Variants in UBAC2 observed in about 807,000 individuals in gnomAD.
UBAC2 encodes the protein UBA domain containing 2.
Under a neutral mutation model 44.0 loss-of-function variants are expected in UBAC2, and 26 were observed. That is an observed-to-expected ratio of 0.59 (90% confidence interval 0.43 to 0.82). The LOEUF (loss-of-function observed/expected upper bound fraction) is 0.82, where lower values mean the gene tolerates loss of function less well. Ranked by LOEUF, UBAC2 falls within the 40% of genes least tolerant of loss-of-function variation. The pLI, the probability that UBAC2 is intolerant of heterozygous loss-of-function variation, is 0.00. For synonymous variants in UBAC2, 155 were observed against 154.3 expected, an observed-to-expected ratio of 1.00 and a Z score of -0.04; for missense variants, 329 against 419.4, an observed-to-expected ratio of 0.78 and a Z score of 1.88.
intron 6 of UBAC2, among the ~76,000 whole-genome samples, chr13:99,319,155 G>T (rs931152678): frequency 6.6e-6 from 1 of 152,036 alleles, no homozygotes; most frequent in Non-Finnish European, 1.5e-5. Context: ...TTTTCATCTT[G>T]TCTATGCTAT....
intron 6 of UBAC2, among the ~76,000 whole-genome samples, chr13:99,337,766 T>C (rs2044811244): frequency 6.6e-6 from 1 of 152,138 alleles, no homozygotes. Flanking sequence ...GTTCATGCCC[T>C]ACACAGCTTT....
intron 1 of UBAC2, among the ~76,000 whole-genome samples, chr13:99,219,232 CCTGT>C (rs2043029126): frequency 1.3e-5 from 2 of 152,278 alleles, no homozygotes; most frequent in Admixed American, 1.3e-4. Context: ...TGCTCCCCTA[CCTGT>C]CTGTCTTCAG....
intron 7 of UBAC2, among the ~76,000 whole-genome samples, chr13:99,342,568 A>G (rs1287706544): frequency 6.6e-6 from 1 of 152,150 alleles, no homozygotes; most frequent in Non-Finnish European, 1.5e-5. Context: ...GGACCCACAC[A>G]TTCCTCTGTG....
intron 4 of UBAC2, among the ~76,000 whole-genome samples, chr13:99,263,534 G>A (rs555016546): frequency 1.3e-5 from 2 of 152,334 alleles, no homozygotes; most frequent in South Asian, 4.1e-4. Context: ...AGTGATGAGG[G>A]TATCGAGTAA....
intron 1 of UBAC2, among the ~76,000 whole-genome samples, chr13:99,219,346 T>G (rs1005575557): frequency 6.6e-6 from 1 of 152,330 alleles, no homozygotes; most frequent in South Asian, 2.1e-4. Flanking sequence ...CAGTTAAAAT[T>G]GGCCATTTTA....
chr13:99,289,057 A>G (rs1372015905), intron 4 of UBAC2, among the ~76,000 whole-genome samples: 1 of 152,228 alleles, frequency 6.6e-6, no homozygotes, highest in Admixed American at 6.5e-5. Context: ...CTATTATCTA[A>G]CACTTACTTC....
At chr13:99,228,574 A>AT (rs1486661399) in intron 1 of UBAC2, among the ~76,000 whole-genome samples, 1 of 152,176 alleles carries the variant, frequency 6.6e-6, no homozygotes, top group Non-Finnish European at 1.5e-5. Flanking sequence ...GATTATAGGC[A>AT]TGAGCCACTG....
intron 7 of UBAC2, among the ~76,000 whole-genome samples, chr13:99,345,396 A>G (rs1215372286): frequency 2.0e-5 from 3 of 151,106 alleles, no homozygotes; most frequent in East Asian, 1.9e-4. Flanking sequence ...GGAGGAGACA[A>G]ATAGAAGGAG....
intron 1 of UBAC2, among the ~76,000 whole-genome samples, chr13:99,202,246 C>T (rs2042812916): frequency 6.6e-6 from 1 of 152,060 alleles, no homozygotes; most frequent in African/African-American, 2.4e-5. Flanking sequence ...TTATGATTTC[C>T]TTTGTTTCAT....
intron 6 of UBAC2, among the ~76,000 whole-genome samples, chr13:99,330,816 T>G (rs1013510368): frequency 6.6e-6 from 1 of 152,222 alleles, no homozygotes; most frequent in African/African-American, 2.4e-5. Flanking sequence ...ACATTCACTT[T>G]TAGTTTGTTA....
intron 4 of UBAC2, among the ~76,000 whole-genome samples, chr13:99,264,647 T>C (rs2043717180): frequency 6.6e-6 from 1 of 152,144 alleles, no homozygotes; most frequent in African/African-American, 2.4e-5. Context: ...CCAGGGGCAG[T>C]TGGGTGAGGC....
At chr13:99,243,390 TTGA>T (rs1257203035) in intron 2 of UBAC2, among the ~76,000 whole-genome samples, 5 of 152,112 alleles carry the variant, frequency 3.3e-5, no homozygotes, top group Admixed American at 6.5e-5. Flanking sequence ...ATGAAGTAAG[TTGA>T]TGATTAAAAT....
At chr13:99,227,278 A>C (rs1417189178) in intron 1 of UBAC2, among the ~76,000 whole-genome samples, 1 of 151,858 alleles carries the variant, frequency 6.6e-6, no homozygotes, top group African/African-American at 2.4e-5. Flanking sequence ...CTGAAATATC[A>C]GGAACCCGAG....
intron 1 of UBAC2, among the ~76,000 whole-genome samples, chr13:99,229,289 G>A (rs1226081612): frequency 6.6e-6 from 1 of 152,228 alleles, no homozygotes; most frequent in South Asian, 2.1e-4. Context: ...ACTGTAATTT[G>A]AAGGCTGCAT....
chr13:99,241,280 A>G (rs1006586641), intron 2 of UBAC2, among the ~76,000 whole-genome samples: 8 of 150,260 alleles, frequency 5.3e-5, no homozygotes, highest in Middle Eastern at 3.2e-3. Flanking sequence ...AAAAAAAAAA[A>G]AAAGAAAAGA....
intron 4 of UBAC2, among the ~76,000 whole-genome samples, chr13:99,273,800 T>C (rs1420091541): frequency 6.6e-6 from 1 of 151,854 alleles, no homozygotes; most frequent in African/African-American, 2.4e-5. Context: ...TCCATTTTTC[T>C]CAGTTCTTTC....
chr13:99,230,759 G>A (rs1372076613), intron 1 of UBAC2, among the ~76,000 whole-genome samples: 1 of 152,040 alleles, frequency 6.6e-6, no homozygotes, highest in Non-Finnish European at 1.5e-5. Flanking sequence ...CACTTAAAAG[G>A]ACTCTTGTGG....
chr13:99,360,793 C>T (rs1283794657), intron 7 of UBAC2, among the ~76,000 whole-genome samples: 1 of 152,186 alleles, frequency 6.6e-6, no homozygotes, highest in East Asian at 1.9e-4. Context: ...TTGATTTAGG[C>T]CTCACAGCTC....
intron 4 of UBAC2, among the ~76,000 whole-genome samples, chr13:99,257,275 G>A (rs946133530): frequency 6.6e-6 from 1 of 152,138 alleles, no homozygotes; most frequent in Admixed American, 6.5e-5. Flanking sequence ...TATATCTCTA[G>A]TGTCATTCAA....
Sources: gnomAD v4.1 joint callset for allele counts (sites outside exome capture counted in the v4.1 genomes callset) on GRCh38, gnomAD v4.1.1 for gene constraint, MANE v1.5 for transcripts, NCBI Gene and HGNC (gene_info 2026-07-23, HGNC 2026-07-21) for gene names.